The following LRP12 variants were observed in gnomAD, a reference collection of about 807,000 sequenced individuals.
The protein encoded by LRP12 is low-density lipoprotein receptor-related protein 12.
In LRP12, 14 loss-of-function variants were observed where a neutral mutation model predicts 66.0. That is an observed-to-expected ratio of 0.21 (90% CI 0.14 to 0.33). The LOEUF is 0.33. LRP12 is among the 10% of genes least tolerant of loss of function. The probability of loss-of-function intolerance (pLI) is 1.00; values close to 1 mark genes in which losing one functional copy is unlikely to be tolerated. For synonymous variants in LRP12, 357 were observed against 359.1 expected (o/e 0.99, Z 0.07); for missense variants, 889 against 1,053.4 (o/e 0.84, Z 2.16).
At chr8:104,502,890 T>C (rs550962740) in intron 3 of LRP12, among the ~76,000 whole-genome samples, 1 of 152,174 alleles carries the variant, frequency 6.6e-6, no homozygotes, top group Admixed American at 6.5e-5. Context: ...ACATTTAAGA[T>C]TCATGAAGGC....
In LRP12 at chr8:104,558,979, T is replaced by C. The variant is rs984209588; in HGVS notation, c.80-27016A>G. ...TAACAGATATTGGCATGGAATGTGG[T>C]GAACAGGGAACACTTTTACATTGCC... is the stretch of plus-strand genomic sequence containing the variant. On this transcript the variant is annotated intron_variant, in intron 1 of 6. Transcript: ENST00000276654. 2.0e-5 allele frequency among the ~76,000 whole-genome samples: 3 copies of C among 151,968 alleles called. No homozygotes were observed. The South Asian group carries it at 6.2e-4, about 32-fold the overall frequency.
chr8:104,565,048 C>CA (rs1202431703), intron 1 of LRP12, among the ~76,000 whole-genome samples: 12 of 150,998 alleles, frequency 7.9e-5, no homozygotes, highest in East Asian at 1.9e-4. Flanking sequence ...ACCTAAGAGA[C>CA]AAAAAAAAGC....
intron 1 of LRP12, among the ~76,000 whole-genome samples, chr8:104,534,154 A>T (rs1465827688): frequency 2.0e-5 from 3 of 152,034 alleles, no homozygotes; most frequent in Non-Finnish European, 4.4e-5. Flanking sequence ...CAATAAACAA[A>T]TAATTATATA....
intron 1 of LRP12, among the ~76,000 whole-genome samples, chr8:104,563,719 T>C (rs1332971010): frequency 6.6e-6 from 1 of 152,082 alleles, no homozygotes; most frequent in Non-Finnish European, 1.5e-5. Flanking sequence ...TAGCCTCTTT[T>C]GCCATGTGAG....
At chr8:104,578,121 T>G (rs1349286203) in intron 1 of LRP12, among the ~76,000 whole-genome samples, 1 of 151,738 alleles carries the variant, frequency 6.6e-6, no homozygotes, top group Non-Finnish European at 1.5e-5. Flanking sequence ...GCTGGTTTTT[T>G]TTTTGAAAAA....
chr8:104,527,832 A>C (rs540034028), intron 2 of LRP12, among the ~76,000 whole-genome samples: 1 of 152,248 alleles, frequency 6.6e-6, no homozygotes, highest in Admixed American at 6.5e-5. Flanking sequence ...AAGTATAATA[A>C]TAAAAACAAA....
chr8:104,571,635 G>A (rs1467372643), intron 1 of LRP12, among the ~76,000 whole-genome samples: 1 of 152,178 alleles, frequency 6.6e-6, no homozygotes, highest in East Asian at 1.9e-4. Flanking sequence ...GCTGAACTAT[G>A]AGTCAACCAA....
At chr8:104,580,529 CA>C (rs558940104) in intron 1 of LRP12, among the ~76,000 whole-genome samples, 6 of 135,906 alleles carry the variant, frequency 4.4e-5, no homozygotes, top group Admixed American at 7.4e-5. Context: ...GACTCCGTTT[CA>C]AAAAAAAAAC....
At chr8:104,500,786 T>C (rs1810817722) in intron 3 of LRP12, among the ~76,000 whole-genome samples, 1 of 151,840 alleles carries the variant, frequency 6.6e-6, no homozygotes, top group Non-Finnish European at 1.5e-5. Context: ...AGAATTTCTC[T>C]AGGACAAACT....
chr8:104,552,249 G>C (rs966666310), intron 1 of LRP12, among the ~76,000 whole-genome samples: 3 of 151,474 alleles, frequency 2.0e-5, no homozygotes, highest in African/African-American at 7.4e-5. Context: ...GAACTTGTTG[G>C]GGATGGGGAT....
intron 1 of LRP12, among the ~76,000 whole-genome samples, chr8:104,578,493 T>C (rs769915605): frequency 4.6e-5 from 7 of 152,112 alleles, no homozygotes; most frequent in Non-Finnish European, 8.8e-5. Context: ...GCTGTAACTA[T>C]TCAAAAAAAT....
At position 104,497,024 on chromosome 8, in the gene LRP12, T is replaced by C. The variant is rs992669934; in HGVS notation, c.1528A>G (p.Ile510Val). ...AGCTTACAAGTACATCCCAATGCTA[T>C]GACGAGTAACAGGCCACAGATGAGG... ...GSLICGLLLV[I>V]ALGCTCKLYS... Residue 510 changes from isoleucine to valine, a missense_variant, in exon 5 of 7, where the codon ATA becomes GTA. Around this residue, in one of 3 missense-constraint regions of LRP12, gnomAD observed 800 missense variants for 964.5 expected, o/e 0.83. Transcript: ENST00000276654. The surrounding 1 kb of genome is among the most constrained non-coding windows in gnomAD (Gnocchi z 4.3). 5 of 1,578,682 alleles carry C rather than the reference T, an allele frequency of 3.2e-6. No individual in the cohort carries two copies. The highest frequency in any genetic ancestry group is 1.8e-5 in the Admixed American group (1 of 54,206).
intron 2 of LRP12, among the ~76,000 whole-genome samples, chr8:104,524,185 T>G (rs950156287): frequency 2.2e-4 from 30 of 137,300 alleles, no homozygotes; most frequent in African/African-American, 7.8e-4. Context: ...GAGGTTGCAG[T>G]GGGCTGAGAT....
chr8:104,548,158 A>ATG (rs1564141782), intron 1 of LRP12, among the ~76,000 whole-genome samples: 8 of 68,812 alleles, frequency 1.2e-4, no homozygotes, highest in African/African-American at 5.8e-4. Context: ...ATATATTAAT[A>ATG]ATTATTATAT....
intron 1 of LRP12, among the ~76,000 whole-genome samples, chr8:104,581,688 C>G (rs1267221385): frequency 6.6e-6 from 1 of 151,942 alleles, no homozygotes; most frequent in Non-Finnish European, 1.5e-5. Context: ...TGATATGATT[C>G]AATCAGGACA....
chr8:104,496,927 G>A, intron 5 of LRP12, 45 bp downstream of exon 5: 2 of 1,453,124 alleles, frequency 1.4e-6, no homozygotes, highest in Non-Finnish European at 1.8e-6. Context: ...TCAAACACTT[G>A]GGCCTGCTTT....
At chr8:104,575,471 A>G (rs1457883897) in intron 1 of LRP12, among the ~76,000 whole-genome samples, 1 of 152,156 alleles carries the variant, frequency 6.6e-6, no homozygotes, top group Non-Finnish European at 1.5e-5. Flanking sequence ...GGCCCAATAC[A>G]AGTCCCCCAG....
At chr8:104,583,518 C>T (rs191229109) in intron 1 of LRP12, among the ~76,000 whole-genome samples, 5 of 152,272 alleles carry the variant, frequency 3.3e-5, no homozygotes, top group African/African-American at 1.2e-4. Flanking sequence ...TATCTCTGCC[C>T]CATGTCTGTT....
At chr8:104,499,553 T>A in intron 3 of LRP12, 34 bp from the exon 4 acceptor site, 2 of 1,486,938 alleles carry the variant, frequency 1.3e-6, no homozygotes, top group Non-Finnish European at 1.8e-6. Flanking sequence ...TATTAAAAAG[T>A]CAATTTTGGA....
Sources: allele counts gnomAD v4.1 joint callset (sites outside exome capture counted in the v4.1 genomes callset), GRCh38; gene constraint gnomAD v4.1.1; regional missense constraint gnomAD v4.1.1; non-coding constraint Gnocchi (gnomAD v3.1); transcripts MANE v1.5; gene names NCBI Gene and HGNC (gene_info 2026-07-23, HGNC 2026-07-21).